Variants in VPS13D observed in about 807,000 individuals in gnomAD.
The protein encoded by VPS13D is vacuolar protein sorting 13 homolog D, also known as intermembrane lipid transfer protein VPS13D.
Under a neutral mutation model 461.9 loss-of-function variants are expected in VPS13D, and 187 were observed. The observed-to-expected ratio is 0.40, with a 90% CI of 0.36 to 0.46. VPS13D has a LOEUF of 0.46. Ranked by LOEUF, VPS13D falls within the 20% of genes least tolerant of loss-of-function variation. The pLI, the probability that VPS13D is intolerant of heterozygous loss-of-function variation, is 0.60. For synonymous variants in VPS13D, 1,951 were observed against 1,986.3 expected (o/e 0.98, Z 0.47); for missense variants, 4,711 against 5,364.9 (o/e 0.88, Z 3.81).
intron 67 of VPS13D, among the ~76,000 whole-genome samples, chr1:12,490,053 G>A (rs1045921287): frequency 6.6e-6 from 1 of 152,110 alleles, no homozygotes; most frequent in Non-Finnish European, 1.5e-5. Flanking sequence ...CCACTGAATT[G>A]CTGTAAGCTC....
In VPS13D at chr1:12,321,810, T is replaced by C; in HGVS notation, c.7550T>C (p.Val2517Ala). 1 of 1,599,520 alleles carries C rather than the reference T, an allele frequency of 6.3e-7. No homozygotes were observed. Among genetic ancestry groups the C allele is most frequent in the Non-Finnish European group, 8.5e-7 (1 of 1,175,740 alleles). ...GCCATATTGCATTTCATTCTGTAGG[T>C]GTTTTCATGCCGACTAGGGAATGAG... ...PFSGSLFGIE[V>A]FSCRLGNEHD... Residue 2517 changes from valine (V) to alanine (A), a missense_variant and splice_region_variant, in exon 33 of 70, where the codon GTG (valine) becomes GCG (alanine). Val to Ala is a moderately conservative substitution (Grantham distance 64). Transcript: ENST00000620676.
At position 12,386,298 on chromosome 1, in the gene VPS13D, C is replaced by T; in HGVS notation, c.11598C>T (p.Thr3866=). The change falls in exon 60 of 70, where the codon ACC becomes ACT. Residue 3866 remains threonine (T), a synonymous_variant. Coordinates refer to ENST00000620676, the MANE Select transcript of VPS13D (RefSeq NM_015378.4). ...ATGTGCACTATACACAGCTGGCAACCAGTCACATGCTTGAACTCAGCATAC... is the reference window on the plus strand; with the variant it reads ...ATGTGCACTATACACAGCTGGCAACTAGTCACATGCTTGAACTCAGCATAC... The part of the protein sequence containing the change: ...GINVHYTQLA[T]SHMLELSIQD... 1 of 1,611,938 alleles carries T rather than the reference C, an allele frequency of 6.2e-7. No individual in the cohort carries two copies. Among genetic ancestry groups the T allele is most frequent in the Admixed American group, 1.7e-5 (1 of 59,702 alleles).
At chr1:12,237,540 C>T (rs188031328) in intron 2 of VPS13D, among the ~76,000 whole-genome samples, 167 of 147,100 alleles carry the variant, frequency 1.1e-3, no homozygotes, top group African/African-American at 3.9e-3. Context: ...TTATTGAGGT[C>T]GGGTGTGGTG....
chr1:12,501,259 A>G (rs1239602406), intron 68 of VPS13D, among the ~76,000 whole-genome samples: 1 of 152,208 alleles, frequency 6.6e-6, no homozygotes, highest in African/African-American at 2.4e-5. Context: ...GCATATCATT[A>G]TAAATACAAA....
At chr1:12,497,820 G>A (rs1645980843) in intron 68 of VPS13D, among the ~76,000 whole-genome samples, 189 bp downstream of exon 68, 1 of 152,190 alleles carries the variant, frequency 6.6e-6, no homozygotes, top group Non-Finnish European at 1.5e-5. Context: ...TTTACTCAAA[G>A]CAGTGGTTCT....
At chr1:12,476,808 A>G (rs1457524882) in intron 67 of VPS13D, among the ~76,000 whole-genome samples, 1 of 152,198 alleles carries the variant, frequency 6.6e-6, no homozygotes, top group East Asian at 1.9e-4. Context: ...CCCTGCCTCC[A>G]CCACCAAAAG....
chr1:12,474,491 TAAAAA>T (rs76385525), intron 67 of VPS13D, among the ~76,000 whole-genome samples: 1 of 145,448 alleles, frequency 6.9e-6, no homozygotes, highest in Non-Finnish European at 1.5e-5. Context: ...CTAGGTCTGT[TAAAAA>T]AAAAAAAGTT....
At chr1:12,280,481 A>G (rs922670494) in intron 20 of VPS13D, among the ~76,000 whole-genome samples, 11 of 150,324 alleles carry the variant, frequency 7.3e-5, no homozygotes, top group Non-Finnish European at 1.3e-4. Context: ...TGTAAATTCT[A>G]TTGGATTATG....
At chr1:12,285,168 C>T (rs911754654) in intron 21 of VPS13D, among the ~76,000 whole-genome samples, 2 of 152,130 alleles carry the variant, frequency 1.3e-5, no homozygotes, top group Admixed American at 6.5e-5. Flanking sequence ...TCAGATACAT[C>T]ACAGAGAAAC....
At chr1:12,256,049 T>G (rs1372609104) in intron 7 of VPS13D, among the ~76,000 whole-genome samples, 1 of 152,162 alleles carries the variant, frequency 6.6e-6, no homozygotes, top group Non-Finnish European at 1.5e-5. Context: ...AAACATTTGC[T>G]GTTGGCCAGG....
chr1:12,235,507 G>A (rs1293650579), intron 2 of VPS13D, among the ~76,000 whole-genome samples: 3 of 152,034 alleles, frequency 2.0e-5, no homozygotes, highest in Admixed American at 6.6e-5. Context: ...ACCAGAAGGC[G>A]GAGGTTGCAG....
intron 27 of VPS13D, among the ~76,000 whole-genome samples, chr1:12,310,250 C>T (rs1349969305): frequency 3.3e-5 from 5 of 152,164 alleles, no homozygotes; most frequent in Admixed American, 6.5e-5. Flanking sequence ...CACAGCAACC[C>T]GAGATGGCAC....
Position 12,396,024 on chromosome 1 carries a change from TA to T in VPS13D, c.11635-4156del, listed in dbSNP as rs1202301662. 2.2e-3 allele frequency among the ~76,000 whole-genome samples: 299 copies of T among 137,222 alleles called. 14 individuals carry two copies. The highest frequency in any genetic ancestry group is 0.019 in the Admixed American group (259 of 13,736). The allele number at this position is 137,222 out of a possible 152,430, so 90.0% of individuals were successfully genotyped here. A position where few individuals can be genotyped will look rare whatever the true frequency, so the allele number is the denominator to read the frequency against. ...ATATATATATATATATATATATATA[TA>T]TATAGTTCTTTAAGATCAATAAAAT... On this transcript the variant is annotated intron_variant, in intron 60 of 69. Coordinates refer to ENST00000620676, the MANE Select transcript of VPS13D (RefSeq NM_015378.4).
intron 46 of VPS13D, among the ~76,000 whole-genome samples, chr1:12,350,652 CT>C (rs1643772828): frequency 6.6e-6 from 1 of 152,094 alleles, no homozygotes; most frequent in Non-Finnish European, 1.5e-5. Context: ...CTGATTTAAT[CT>C]TCTGCCTTCA....
rs1202513041 is a variant in VPS13D at position 12,280,000 on chromosome 1, G to A, written c.4602+350G>A. On this transcript the variant is annotated intron_variant, in intron 20 of 69. Coordinates refer to ENST00000620676, the MANE Select transcript of VPS13D (RefSeq NM_015378.4). This position sits in a 1 kb window ranked among gnomAD's most constrained non-coding sequence, Gnocchi z 4.3. The stretch of plus-strand genomic sequence containing the variant: ...GTCACACTTAGACATACTTAACACA[G>A]CCAGTGAAACATTGTGATCATCTGA... Among the ~76,000 whole-genome samples, 2 of 152,152 alleles carry A rather than the reference G, an allele frequency of 1.3e-5. No individual in the cohort carries two copies. Among genetic ancestry groups the A allele is most frequent in the African/African-American group, 2.4e-5 (1 of 41,428 alleles).
intron 27 of VPS13D, among the ~76,000 whole-genome samples, chr1:12,309,037 A>G (rs933739265): frequency 2.6e-5 from 4 of 152,168 alleles, no homozygotes; most frequent in Non-Finnish European, 4.4e-5. Flanking sequence ...CTAGTTATTC[A>G]CTTATTTCTT....
chr1:12,462,608 C>T (rs1645426666), intron 67 of VPS13D, among the ~76,000 whole-genome samples: 1 of 152,206 alleles, frequency 6.6e-6, no homozygotes, highest in Admixed American at 6.5e-5. Flanking sequence ...ACCCTGTGCC[C>T]AGCACCACTG....
intron 60 of VPS13D, among the ~76,000 whole-genome samples, chr1:12,392,088 T>C (rs1159946789): frequency 6.6e-6 from 1 of 152,140 alleles, no homozygotes; most frequent in Non-Finnish European, 1.5e-5. Flanking sequence ...TCTTGAACTC[T>C]TGGACTCGAG....
Position 12,507,319 on chromosome 1 carries a change from T to A in VPS13D, c.13035+226T>A, listed in dbSNP as rs758772087. The stretch of plus-strand genomic sequence containing the variant: ...GGTGACCCTGGGAACATTAACTGCC[T>A]CACAACGTTTGTGCCTCAGTTACCC... On this transcript the variant is annotated intron_variant, in intron 69 of 69. Transcript: ENST00000620676. This position sits in a 1 kb window ranked among gnomAD's most constrained non-coding sequence, Gnocchi z 5.3. The A allele has an allele frequency of 3.8e-6, 3 of 783,238 alleles. No individual in the cohort carries two copies. The highest frequency in any genetic ancestry group is 2.7e-5 in the South Asian group (2 of 74,410). 48.5% of individuals were successfully genotyped at this position (783,238 alleles called of 1,614,324 possible). A position where few individuals can be genotyped will look rare whatever the true frequency, so the allele number is the denominator to read the frequency against.
Sources: gnomAD v4.1 joint callset for allele counts (sites outside exome capture counted in the v4.1 genomes callset) on GRCh38, gnomAD v4.1.1 for gene constraint, Gnocchi (gnomAD v3.1) non-coding constraint, MANE v1.5 for transcripts, NCBI Gene and HGNC (gene_info 2026-07-23, HGNC 2026-07-21) for gene names.